The following ENTPD1 variants were observed in gnomAD, a reference collection of about 807,000 sequenced individuals.
ENTPD1 encodes the protein ectonucleoside triphosphate diphosphohydrolase 1.
A neutral mutation model predicts 57.0 loss-of-function variants in ENTPD1; 33 were observed. That is an observed-to-expected ratio of 0.58 (90% CI 0.44 to 0.77). ENTPD1 has a LOEUF of 0.77. Ranked by LOEUF, ENTPD1 falls within the 30% of genes least tolerant of loss-of-function variation. The pLI, the probability that ENTPD1 is intolerant of heterozygous loss-of-function variation, is 0.00. For synonymous variants in ENTPD1, 202 were observed against 218.8 expected (o/e 0.92, Z 0.68); for missense variants, 501 against 603.4 (o/e 0.83, Z 1.78).
chr10:95,821,930 A>G (rs1022242914), intron 1 of ENTPD1, among the ~76,000 whole-genome samples: 19 of 151,796 alleles, frequency 1.3e-4, no homozygotes, highest in African/African-American at 4.4e-4. Flanking sequence ...GGAATGGTGC[A>G]ACCATTTCAT....
Position 95,847,669 on chromosome 10 carries a change from A to C in ENTPD1, c.1037A>C (p.Asn346Thr). Residue 346 changes from asparagine to threonine, a missense_variant, in exon 7 of 10, where the codon AAT becomes ACT. Physicochemically the swap from Asn to Thr is moderately conservative, Grantham distance 65. Coordinates refer to ENST00000371205, the MANE Select transcript of ENTPD1 (RefSeq NM_001776.6). ...TGCCCTTACTCCCAGTGTGCCTTCA[A>C]TGGGATTTTCTTGCCACCACTCCAG... ...SYCPYSQCAF[N>T]GIFLPPLQGD... is the part of the protein sequence containing the mutation. The C allele has an allele frequency of 6.2e-7, 1 of 1,614,158 alleles. No individual in the cohort carries two copies. Among genetic ancestry groups the C allele is most frequent in the Non-Finnish European group, 8.5e-7 (1 of 1,180,024 alleles).
intron 7 of ENTPD1, among the ~76,000 whole-genome samples, chr10:95,855,786 G>A (rs1216509210): frequency 1.3e-5 from 2 of 152,188 alleles, no homozygotes; most frequent in Non-Finnish European, 2.9e-5. Flanking sequence ...CTGGCTTATA[G>A]AGTTTCTGCC....
At chr10:95,813,426 T>C (rs2098316586) in intron 1 of ENTPD1, among the ~76,000 whole-genome samples, 1 of 152,196 alleles carries the variant, frequency 6.6e-6, no homozygotes. Flanking sequence ...GTGAAAACAC[T>C]AGCTGCCTAT....
chr10:95,763,288 T>A (rs958946419), intron 1 of ENTPD1, among the ~76,000 whole-genome samples: 1 of 152,164 alleles, frequency 6.6e-6, no homozygotes, highest in African/African-American at 2.4e-5. Context: ...ATATGTGGTG[T>A]CATCGTTTTC....
At chr10:95,851,369 G>A (rs538505725) in intron 7 of ENTPD1, among the ~76,000 whole-genome samples, 25 of 151,680 alleles carry the variant, frequency 1.6e-4, no homozygotes, top group African/African-American at 4.6e-4. Flanking sequence ...CAACAAAGGA[G>A]AGAAAATAAC....
intron 1 of ENTPD1, among the ~76,000 whole-genome samples, chr10:95,722,094 T>C (rs1014025444): frequency 3.3e-5 from 5 of 152,100 alleles, no homozygotes; most frequent in Admixed American, 6.5e-5. Flanking sequence ...AGGATTGAGA[T>C]AGATTTTTTT....
intron 6 of ENTPD1, 160 bp downstream of exon 6, chr10:95,845,756 T>A: frequency 8.2e-7 from 1 of 1,217,084 alleles, no homozygotes; most frequent in Non-Finnish European, 1.2e-6. Context: ...GGTTGACCCC[T>A]ATAAATTGTT....
At chr10:95,826,820 A>G (rs909108258) in intron 2 of ENTPD1, among the ~76,000 whole-genome samples, 11 of 151,840 alleles carry the variant, frequency 7.2e-5, no homozygotes, top group Admixed American at 5.2e-4. Context: ...TCTGATTTCA[A>G]TGAATTAGAG....
At chr10:95,708,820 T>C (rs1369337010), upstream of ENTPD1, among the ~76,000 whole-genome samples, 1 of 152,198 alleles carries the variant, frequency 6.6e-6, no homozygotes, top group Non-Finnish European at 1.5e-5. Flanking sequence ...AATAAAAAGT[T>C]AAACAATGTT....
chr10:95,811,848 T>C (rs916056589), intron 1 of ENTPD1, among the ~76,000 whole-genome samples: 2 of 152,232 alleles, frequency 1.3e-5, no homozygotes, highest in African/African-American at 4.8e-5. Flanking sequence ...ATTTTTAGTC[T>C]TTTGCCATTA....
intron 1 of ENTPD1, among the ~76,000 whole-genome samples, chr10:95,717,019 G>T (rs1265790544): frequency 6.6e-6 from 1 of 152,248 alleles, no homozygotes; most frequent in African/African-American, 2.4e-5. Flanking sequence ...TGGGCCCTTT[G>T]CCTGGGTTGC....
At chr10:95,861,893 G>T (rs1332959429) in intron 8 of ENTPD1, among the ~76,000 whole-genome samples, 1 of 152,100 alleles carries the variant, frequency 6.6e-6, no homozygotes, top group Non-Finnish European at 1.5e-5. Flanking sequence ...CTACTTGGGA[G>T]GCTGAAGCAG....
upstream of ENTPD1, among the ~76,000 whole-genome samples, chr10:95,708,218 A>AT (rs35550452): frequency 6.7e-4 from 99 of 147,920 alleles, no homozygotes; most frequent in African/African-American, 2.2e-3. Flanking sequence ...TTTTTATTTT[A>AT]TTTTTTTTTT....
chr10:95,835,361 T>C (rs1310247690), intron 2 of ENTPD1, among the ~76,000 whole-genome samples: 1 of 152,234 alleles, frequency 6.6e-6, no homozygotes, highest in Non-Finnish European at 1.5e-5. Context: ...CTGGGTTGAT[T>C]CTATGTCTTT....
chr10:95,858,246 G>T (rs750405420), intron 7 of ENTPD1, among the ~76,000 whole-genome samples: 1 of 152,136 alleles, frequency 6.6e-6, no homozygotes, highest in Non-Finnish European at 1.5e-5. Flanking sequence ...TCTAAGGAGG[G>T]GAAGTGGAAG....
upstream of ENTPD1, among the ~76,000 whole-genome samples, chr10:95,752,959 T>G (rs1047382773): frequency 8.5e-5 from 13 of 152,218 alleles, no homozygotes; most frequent in Non-Finnish European, 1.6e-4. Flanking sequence ...AGAATTTGTT[T>G]TTAAGAATGA....
At chr10:95,755,794 A>G (rs773433206), upstream of ENTPD1, 170 of 1,526,470 alleles carry the variant, frequency 1.1e-4, no homozygotes, top group Non-Finnish European at 1.4e-4. Flanking sequence ...ATCTAGCTTC[A>G]TAATTGCAGT....
chr10:95,864,738 C>T lies in ENTPD1; in HGVS notation c.1203C>T (p.Tyr401=), dbSNP rs1804825. 2.6e-5 allele frequency: 42 copies of T among 1,613,984 alleles called. No individual in the cohort carries two copies. Among genetic ancestry groups the T allele is most frequent in the Admixed American group, 6.7e-5 (4 of 59,996 alleles). Residue 401 remains tyrosine, a synonymous_variant, in exon 9 of 10, where the codon TAC becomes TAT. Coordinates refer to ENST00000371205, the MANE Select transcript of ENTPD1 (RefSeq NM_001776.6). ...AQPWEEIKTS[Y]AGVKEKYLSE... is the part of the protein sequence containing the mutation. Reference sequence around the variant, plus strand: ...TTCACTTCTAGATAAAAACATCTTACGCTGGAGTAAAGGAGAAGTACCTGA... The same window carrying T: ...TTCACTTCTAGATAAAAACATCTTATGCTGGAGTAAAGGAGAAGTACCTGA...
At chr10:95,732,244 G>T (rs1299629678) in intron 1 of ENTPD1, among the ~76,000 whole-genome samples, 1 of 152,226 alleles carries the variant, frequency 6.6e-6, no homozygotes, top group African/African-American at 2.4e-5. Context: ...GGGGTTATTG[G>T]TGGCTGTCAG....
Sources: gnomAD v4.1 joint callset for allele counts (sites outside exome capture counted in the v4.1 genomes callset) on GRCh38, gnomAD v4.1.1 for gene constraint, MANE v1.5 for transcripts, NCBI Gene and HGNC (gene_info 2026-07-23, HGNC 2026-07-21) for gene names.